Variants in SLCO1B3 observed in about 807,000 individuals in gnomAD.
SLCO1B3 encodes liver-specific organic anion transporter 2.
SLCO1B3 carries 72 observed loss-of-function variants against 71.8 expected under a neutral mutation model. That is an observed-to-expected ratio of 1.00 (90% CI 0.83 to 1.22). The LOEUF is 1.22. Among genes scored for constraint, SLCO1B3 ranks in the 50% most tolerant of loss-of-function variants. The pLI is 0.00. For synonymous variants in SLCO1B3, 298 were observed against 278.4 expected (o/e 1.07, Z -0.70); for missense variants, 911 against 819.7 (o/e 1.11, Z -1.36).
chr12:20,811,543 C>T (rs1864110598), intron 1 of SLCO1B3, among the ~76,000 whole-genome samples: 1 of 152,172 alleles, frequency 6.6e-6, no homozygotes, highest in Non-Finnish European at 1.5e-5. Flanking sequence ...AACTGGGTCA[C>T]TTGGCCTGCA....
In SLCO1B3 at chr12:20,861,116, A is replaced by G. The variant is rs370334648; in HGVS notation, c.459A>G (p.Thr153=). 4.9e-5 allele frequency: 77 copies of G among 1,587,588 alleles called. No individual in the cohort carries two copies. Among genetic ancestry groups the G allele is most frequent in the Non-Finnish European group, 5.8e-5 (68 of 1,169,402 alleles). ...ATCAAACCTTATCATTCAATGGAAC[A>G]TCACCTGAGATAGTAGAAAAAGGTA... The part of the protein sequence containing the change: ...LINQTLSFNG[T]SPEIVEKDCV... Residue 153 remains threonine (T), a synonymous_variant, in exon 6 of 16, where the codon ACA becomes ACG. Coordinates refer to ENST00000381545, the MANE Select transcript of SLCO1B3 (RefSeq NM_019844.4).
Position 20,875,304 on chromosome 12 carries a change from G to A in SLCO1B3, c.797G>A (p.Gly266Glu), listed in dbSNP as rs1591774656. 6.2e-7 allele frequency: 1 copy of A among 1,613,306 alleles called. No homozygotes were observed. Among genetic ancestry groups the A allele is most frequent in the Admixed American group, 1.7e-5 (1 of 59,950 alleles). Residue 266 changes from glycine to glutamate, a missense_variant, in exon 9 of 16, where the codon GGA (glycine) becomes GAA (glutamate). By Grantham distance (98) the Gly-to-Glu change is moderately conservative. Transcript: ENST00000381545. ...TGGTGGCTTGGTTTCCTTGTGTCTG[G>A]ACTATTTTCCATTATTTCTTCCATA... ...GAWWLGFLVS[G>E]LFSIISSIPF...
chr12:20,884,270 T>C (rs1421935379), intron 13 of SLCO1B3, among the ~76,000 whole-genome samples: 2 of 152,060 alleles, frequency 1.3e-5, no homozygotes, highest in East Asian at 1.9e-4. Flanking sequence ...AATAAACACA[T>C]AATTACAAAT....
chr12:20,879,706 G>T (rs924032644), intron 11 of SLCO1B3, 75 bp downstream of exon 11: 2 of 977,168 alleles, frequency 2.0e-6, no homozygotes, highest in Non-Finnish European at 2.9e-6. Flanking sequence ...AGTAAAATAA[G>T]GTAGAAAACA....
chr12:20,900,221 G>A (rs1011477050), intron 14 of SLCO1B3, among the ~76,000 whole-genome samples: 2 of 152,048 alleles, frequency 1.3e-5, no homozygotes, highest in Non-Finnish European at 2.9e-5. Context: ...ATTGGCCTCA[G>A]ACAACATTCC....
At chr12:20,912,519 T>C (rs1866404464) in intron 15 of SLCO1B3, among the ~76,000 whole-genome samples, 1 of 149,886 alleles carries the variant, frequency 6.7e-6, no homozygotes, top group East Asian at 2.0e-4. Context: ...TTTTGTATTT[T>C]TTCTTTTCTT....
chr12:20,913,902 C>T (rs1217728194), intron 15 of SLCO1B3, among the ~76,000 whole-genome samples: 1 of 152,160 alleles, frequency 6.6e-6, no homozygotes, highest in Admixed American at 6.5e-5. Flanking sequence ...CAGGCATGAA[C>T]TAACATGCCT....
At chr12:20,843,549 C>G (rs7305069) in intron 3 of SLCO1B3, among the ~76,000 whole-genome samples, 110,060 of 151,912 alleles carry the variant, frequency 0.72, 42,442 homozygotes, top group South Asian at 0.9. Context: ...GGGAGGCTGA[C>G]GTGGGTGGAT....
chr12:20,837,656 C>T (rs951694010), intron 3 of SLCO1B3, among the ~76,000 whole-genome samples: 4 of 151,922 alleles, frequency 2.6e-5, no homozygotes, highest in Non-Finnish European at 5.9e-5. Context: ...TACTTTAATT[C>T]TATTGTTGTC....
intron 15 of SLCO1B3, among the ~76,000 whole-genome samples, chr12:20,913,349 A>G (rs1866423975): frequency 6.6e-6 from 1 of 152,176 alleles, no homozygotes; most frequent in Non-Finnish European, 1.5e-5. Context: ...CAATACATAA[A>G]TTCACTTTTA....
chr12:20,907,857 A>G (rs1866285990), intron 15 of SLCO1B3, among the ~76,000 whole-genome samples: 1 of 152,116 alleles, frequency 6.6e-6, no homozygotes. Context: ...ATAACAAAGA[A>G]AAACTTAATA....
chr12:20,901,670 T>C (rs2120385398), intron 15 of SLCO1B3, among the ~76,000 whole-genome samples: 1 of 152,290 alleles, frequency 6.6e-6, no homozygotes, highest in South Asian at 2.1e-4. Flanking sequence ...ATATTCCTCC[T>C]TTTTCCTTAA....
chr12:20,817,826 G>T (rs557388121), intron 3 of SLCO1B3, among the ~76,000 whole-genome samples: 1 of 151,870 alleles, frequency 6.6e-6, no homozygotes, highest in Non-Finnish European at 1.5e-5. Context: ...TCCTGACCTC[G>T]TGATCCGCCT....
At chr12:20,885,686 G>C (rs552172265) in intron 13 of SLCO1B3, among the ~76,000 whole-genome samples, 2 of 151,992 alleles carry the variant, frequency 1.3e-5, no homozygotes, top group East Asian at 3.9e-4. Context: ...GTAGAGCAAA[G>C]ACAAAGGCCC....
chr12:20,875,720 C>G (rs1193689342), intron 9 of SLCO1B3, among the ~76,000 whole-genome samples: 2 of 152,062 alleles, frequency 1.3e-5, no homozygotes, highest in African/African-American at 2.4e-5. Flanking sequence ...AGGCTACAAA[C>G]ATCTGTTGCT....
At chr12:20,840,840 C>T (rs1864783072) in intron 3 of SLCO1B3, among the ~76,000 whole-genome samples, 1 of 152,036 alleles carries the variant, frequency 6.6e-6, no homozygotes, top group African/African-American at 2.4e-5. Context: ...ATTAGTTTTT[C>T]CTGAGGGCAA....
chr12:20,820,204 TGA>T (rs796922092), intron 3 of SLCO1B3, among the ~76,000 whole-genome samples: 127 of 152,106 alleles, frequency 8.3e-4, no homozygotes, highest in African/African-American at 3.0e-3. Context: ...CCCTCCACTG[TGA>T]GAGTTACCTA....
At chr12:20,909,479 C>A (rs1866329585) in intron 15 of SLCO1B3, among the ~76,000 whole-genome samples, 1 of 151,728 alleles carries the variant, frequency 6.6e-6, no homozygotes, top group Non-Finnish European at 1.5e-5. Context: ...GGTCATGAAG[C>A]ATCTTCTTAT....
At chr12:20,864,228 G>A (rs540178414) in intron 8 of SLCO1B3, among the ~76,000 whole-genome samples, 23 of 151,892 alleles carry the variant, frequency 1.5e-4, no homozygotes, top group African/African-American at 3.4e-4. Context: ...TCTCAAATTC[G>A]GTGCTCCTAT....
Sources: allele counts gnomAD v4.1 joint callset (sites outside exome capture counted in the v4.1 genomes callset), GRCh38; gene constraint gnomAD v4.1.1; transcripts MANE v1.5; gene names NCBI Gene and HGNC (gene_info 2026-07-23, HGNC 2026-07-21).